Variants in PCDHGA10 observed in about 807,000 individuals in gnomAD.
PCDHGA10 encodes the protein protocadherin gamma-A10.
A neutral mutation model predicts 59.5 loss-of-function variants in PCDHGA10; 42 were observed. That is an observed-to-expected ratio of 0.71 (90% confidence interval 0.55 to 0.91). The LOEUF is 0.91. Ranked by LOEUF, PCDHGA10 falls within the 40% of genes least tolerant of loss-of-function variation. The probability of loss-of-function intolerance (pLI) is 0.00; values close to 1 mark genes in which losing one functional copy is unlikely to be tolerated. For synonymous variants in PCDHGA10, 511 were observed against 517.2 expected, an observed-to-expected ratio of 0.99 and a Z score of 0.16; for missense variants, 1,111 against 1,198.2, an observed-to-expected ratio of 0.93 and a Z score of 1.07.
chr5:141,511,598 A>C lies in PCDHGA10; in HGVS notation c.*425A>C. ...GGTTGGGGTGTTGAAGTACCAAGTA[A>C]CCTACAAGCCTCCTAGTTCTGAAAA... On this transcript the variant is annotated 3_prime_UTR_variant, in exon 4 of 4. Transcript: ENST00000398610. 3.9e-6 allele frequency: 1 copy of C among 255,742 alleles called. No individual in the cohort carries two copies. The highest frequency in any genetic ancestry group is 7.8e-6 in the Non-Finnish European group (1 of 127,952). The allele number at this position is 255,742 out of a possible 1,614,324, so 15.8% of individuals were successfully genotyped here.
At chr5:141,499,730 T>C (rs1412528402) in intron 2 of PCDHGA10, among the ~76,000 whole-genome samples, 1 of 143,912 alleles carries the variant, frequency 6.9e-6, no homozygotes, top group East Asian at 2.1e-4. Context: ...AGTCTCACTC[T>C]CTTGCCCAGG....
rs2096271749 is a variant in PCDHGA10, at chr5:141,418,581, T to G, written c.2436+2970T>G. On this transcript the variant is annotated intron_variant, in intron 1 of 3. Coordinates refer to ENST00000398610, the MANE Select transcript of PCDHGA10 (RefSeq NM_018913.3). The stretch of plus-strand genomic sequence containing the variant: ...ATAGATGCCAATGACAACCCCCCAG[T>G]GTTCAGCCAGGACGTGTACAGGGTT... The G allele has an allele frequency of 2.5e-6, 4 of 1,613,854 alleles. No homozygotes were observed. The South Asian group carries it at 4.4e-5, about 18-fold the overall frequency.
intron 1 of PCDHGA10, among the ~76,000 whole-genome samples, chr5:141,446,325 T>G (rs1440954528): frequency 3.9e-5 from 6 of 152,124 alleles, no homozygotes; most frequent in African/African-American, 1.4e-4. Flanking sequence ...GTTTCCACAT[T>G]AAGGAACTGG....
At chr5:141,419,172 T>A in intron 1 of PCDHGA10, 1 of 1,613,914 alleles carries the variant, frequency 6.2e-7, no homozygotes, top group Non-Finnish European at 8.5e-7. Context: ...AGCAAAACCA[T>A]AACCCTGCAC....
chr5:141,428,200 G>A (rs1000165985), intron 1 of PCDHGA10: 3 of 1,363,858 alleles, frequency 2.2e-6, no homozygotes, highest in East Asian at 2.3e-5. Flanking sequence ...TCTCTGCGCC[G>A]CTACGCTTCA....
intron 1 of PCDHGA10, among the ~76,000 whole-genome samples, chr5:141,437,976 T>G (rs1182220385): frequency 1.3e-5 from 2 of 152,096 alleles, no homozygotes; most frequent in Non-Finnish European, 2.9e-5. Flanking sequence ...GATCTTGGGA[T>G]GCACCCACCC....
rs780395794 is a variant in PCDHGA10, at chr5:141,489,685, G to A, written c.2437-5122G>A. ...GCGCATCTCAGAATCAGCAGCATCT[G>A]GGGCACGATTCCCACTGGACAGTGC... On this transcript the variant is annotated intron_variant, in intron 1 of 3. Coordinates refer to ENST00000398610, the MANE Select transcript of PCDHGA10 (RefSeq NM_018913.3). The surrounding 1 kb of genome is among the most constrained non-coding windows in gnomAD (Gnocchi z 4.5). 10 of 1,614,142 alleles carry A rather than the reference G, an allele frequency of 6.2e-6. No individual in the cohort carries two copies. The South Asian group carries it at 1.1e-4, about 18-fold the overall frequency.
At position 141,413,729 on chromosome 5, in the gene PCDHGA10, G is replaced by C. The variant is rs2095671676; in HGVS notation, c.554G>C (p.Arg185Thr). 6.2e-7 allele frequency: 1 copy of C among 1,613,378 alleles called. No individual in the cohort carries two copies. The highest frequency in any genetic ancestry group is 8.5e-7 in the Non-Finnish European group (1 of 1,179,898). ...AGCCCCAATAAGCACTTCTCCCTAA[G>C]AGTTCAGAGCCGTGCCAATGGCGTC... is the stretch of plus-strand genomic sequence containing the variant. ...QLSPNKHFSL[R>T]VQSRANGVKY... Residue 185 changes from arginine (R) to threonine (T), a missense_variant, in exon 1 of 4, where the codon AGA becomes ACA. By Grantham distance (71) the Arg-to-Thr change is moderately conservative (BLOSUM62 -1). Transcript: ENST00000398610.
At chr5:141,423,821 C>A (rs2096784513) in intron 1 of PCDHGA10, 1 of 1,272,728 alleles carries the variant, frequency 7.9e-7, no homozygotes, top group Admixed American at 3.9e-5. Context: ...TTTACTTTGC[C>A]TTTCATGAGA....
intron 2 of PCDHGA10, among the ~76,000 whole-genome samples, chr5:141,502,725 G>A (rs1020846462): frequency 2.0e-5 from 3 of 152,150 alleles, no homozygotes; most frequent in Non-Finnish European, 4.4e-5. Context: ...ATTACAAAGC[G>A]GTGATGTTCT....
intron 1 of PCDHGA10, among the ~76,000 whole-genome samples, chr5:141,466,358 A>G (rs1210013683): frequency 6.6e-6 from 1 of 152,066 alleles, no homozygotes; most frequent in Admixed American, 6.5e-5. Flanking sequence ...GCTAATCTAG[A>G]TGTAATGGTT....
chr5:141,416,699 T>C (rs1232694721), intron 1 of PCDHGA10: 1 of 152,092 alleles, frequency 6.6e-6, no homozygotes, highest in Non-Finnish European at 1.5e-5. Context: ...AAACAAAGGA[T>C]CATTGGAGGT....
Position 141,431,033 on chromosome 5 carries a change from C to G in PCDHGA10, c.2436+15422C>G, listed in dbSNP as rs1006751011. ...CTTGGTCACGGCGGGCAGGATAGAC[C>G]GGGAGGAGCTCTGTATGGGGGCCAT... On this transcript the variant is annotated intron_variant, in intron 1 of 3. Coordinates refer to ENST00000398610, the MANE Select transcript of PCDHGA10 (RefSeq NM_018913.3). This position sits in a 1 kb window ranked among gnomAD's most constrained non-coding sequence, Gnocchi z 4.8. 1.2e-6 allele frequency: 2 copies of G among 1,613,980 alleles called. No individual in the cohort carries two copies. Among genetic ancestry groups the G allele is most frequent in the Admixed American group, 3.3e-5 (2 of 60,024 alleles).
At chr5:141,478,940 T>C in intron 1 of PCDHGA10, 2 of 584,636 alleles carry the variant, frequency 3.4e-6, no homozygotes, top group South Asian at 2.7e-5. Flanking sequence ...CTTCTAGGAA[T>C]ACAAAAACTA....
chr5:141,491,802 G>A lies in PCDHGA10; in HGVS notation c.2437-3005G>A. 6.7e-7 allele frequency: 1 copy of A among 1,497,480 alleles called. No homozygotes were observed. Among genetic ancestry groups the A allele is most frequent in the East Asian group, 2.5e-5 (1 of 40,518 alleles). The allele number at this position is 1,497,480 out of a possible 1,614,324, so 92.8% of individuals were successfully genotyped here. ...ACTTGCATCCACTCCTCTCCGGCCG[G>A]CTTGGTCGCTGGCTGCGCTCCACCC... On this transcript the variant is annotated intron_variant, in intron 1 of 3. Coordinates refer to ENST00000398610, the MANE Select transcript of PCDHGA10 (RefSeq NM_018913.3). The surrounding 1 kb of genome is among the most constrained non-coding windows in gnomAD (Gnocchi z 6.9).
chr5:141,455,798 T>TA (rs2098831882), intron 1 of PCDHGA10, among the ~76,000 whole-genome samples: 1 of 152,036 alleles, frequency 6.6e-6, no homozygotes, highest in African/African-American at 2.4e-5. Flanking sequence ...GGAGATGCTT[T>TA]AAAAAATGAA....
Position 141,415,372 on chromosome 5 carries a change from G to A in PCDHGA10, c.2197G>A (p.Gly733Arg). Residue 733 changes from glycine (G) to arginine (R), a missense_variant, in exon 1 of 4, where the codon GGA becomes AGA. Transcript: ENST00000398610. ...CAAGTCACGCCTGCTGCAGGCTTCA[G>A]GAGGCGGCTTGACAGGTGTGTCCGG... is the stretch of plus-strand genomic sequence containing the variant. ...WHKSRLLQASGGGLTGVSGSH... is the reference protein window; with the variant it reads ...WHKSRLLQASRGGLTGVSGSH... 1 of 1,614,252 alleles carries A rather than the reference G, an allele frequency of 6.2e-7. No homozygotes were observed. Among genetic ancestry groups the A allele is most frequent in the Non-Finnish European group, 8.5e-7 (1 of 1,180,046 alleles).
intron 1 of PCDHGA10, among the ~76,000 whole-genome samples, chr5:141,448,393 A>G (rs190525499): frequency 6.6e-6 from 1 of 152,306 alleles, no homozygotes; most frequent in Admixed American, 6.5e-5. Flanking sequence ...ATACATTTAC[A>G]TGGTTTTAAA....
At position 141,486,038 on chromosome 5, in the gene PCDHGA10, G is replaced by T; in HGVS notation, c.2437-8769G>T. The stretch of plus-strand genomic sequence containing the variant: ...TTTCAGTGGTCATACCCCTGATCGT[G>T]TAAGAAACCTCTTTAGCCTGCACCC... On this transcript the variant is annotated intron_variant, in intron 1 of 3. Coordinates refer to ENST00000398610, the MANE Select transcript of PCDHGA10 (RefSeq NM_018913.3). This position sits in a 1 kb window ranked among gnomAD's most constrained non-coding sequence, Gnocchi z 5.0. The T allele has an allele frequency of 3.1e-6, 5 of 1,614,184 alleles. No individual in the cohort carries two copies. Among genetic ancestry groups the T allele is most frequent in the Non-Finnish European group, 4.2e-6 (5 of 1,180,018 alleles).
Sources: gnomAD v4.1 joint callset for allele counts (sites outside exome capture counted in the v4.1 genomes callset) on GRCh38, gnomAD v4.1.1 for gene constraint, Gnocchi (gnomAD v3.1) non-coding constraint, MANE v1.5 for transcripts, NCBI Gene and HGNC (gene_info 2026-07-23, HGNC 2026-07-21) for gene names.